EXOC4: variants seen among roughly 807,000 people sequenced by gnomAD.
The protein encoded by EXOC4 is SEC8-like 1.
A neutral mutation model predicts 107.2 loss-of-function variants in EXOC4; 71 were observed. The observed-to-expected ratio is 0.66, with a 90% CI of 0.55 to 0.81. EXOC4 has a LOEUF of 0.81. Ranked by LOEUF, EXOC4 falls within the 30% of genes least tolerant of loss-of-function variation. The probability of loss-of-function intolerance (pLI) is 0.00; values close to 1 mark genes in which losing one functional copy is unlikely to be tolerated. For synonymous variants in EXOC4, 456 were observed against 441.2 expected (o/e 1.03, Z -0.42); for missense variants, 1,108 against 1,189.6 (o/e 0.93, Z 1.01).
intron 10 of EXOC4, among the ~76,000 whole-genome samples, chr7:133,729,751 G>T (rs1795287073): frequency 6.6e-6 from 1 of 151,842 alleles, no homozygotes; most frequent in South Asian, 2.1e-4. Context: ...TTATTTTGAT[G>T]GTAACTTTTT....
chr7:133,760,167 G>A (rs1221432031), intron 10 of EXOC4, among the ~76,000 whole-genome samples: 3 of 152,164 alleles, frequency 2.0e-5, no homozygotes, highest in Non-Finnish European at 4.4e-5. Context: ...TAAGGATATA[G>A]CAAGTTGTAT....
chr7:134,061,693 C>A (rs1563109226), intron 17 of EXOC4, among the ~76,000 whole-genome samples: 1 of 152,046 alleles, frequency 6.6e-6, no homozygotes, highest in African/African-American at 2.4e-5. Context: ...TTAGGAAGTT[C>A]CATTAATAGA....
chr7:133,483,536 T>C (rs1345788526), intron 9 of EXOC4, among the ~76,000 whole-genome samples: 3 of 152,224 alleles, frequency 2.0e-5, no homozygotes, highest in Non-Finnish European at 4.4e-5. Context: ...AATTGAAATA[T>C]GGGCTTTCAA....
intron 10 of EXOC4, among the ~76,000 whole-genome samples, chr7:133,791,152 GAACT>G (rs1796695284): frequency 6.6e-6 from 1 of 152,142 alleles, no homozygotes; most frequent in Non-Finnish European, 1.5e-5. Flanking sequence ...TCACATTTTA[GAACT>G]AACAGGAAGC....
At chr7:133,920,951 A>G (rs1310394181) in intron 13 of EXOC4, among the ~76,000 whole-genome samples, 1 of 152,206 alleles carries the variant, frequency 6.6e-6, no homozygotes, top group Non-Finnish European at 1.5e-5. Context: ...TGTATTAGTC[A>G]AGGTTTTGCA....
the EXOC4 span, among the ~76,000 whole-genome samples, chr7:134,082,191 T>G: frequency 6.8e-6 from 1 of 148,052 alleles, no homozygotes; most frequent in Non-Finnish European, 1.5e-5. Flanking sequence ...ATTTTTTTTT[T>G]GGTTATTTCT....
At chr7:133,312,880 C>T (rs934092064) in intron 4 of EXOC4, among the ~76,000 whole-genome samples, 9 of 151,448 alleles carry the variant, frequency 5.9e-5, no homozygotes, top group East Asian at 1.9e-4. Flanking sequence ...CCTTTATAAT[C>T]GGATAAAATT....
intron 5 of EXOC4, among the ~76,000 whole-genome samples, chr7:133,349,099 TAATTAA>T (rs2150642258): frequency 6.8e-6 from 1 of 146,576 alleles, no homozygotes; most frequent in African/African-American, 2.5e-5. Flanking sequence ...ATCATGTATG[TAATTAA>T]AATGGTTTTG....
At chr7:133,869,891 G>A (rs1585211739) in intron 11 of EXOC4, among the ~76,000 whole-genome samples, 1 of 152,188 alleles carries the variant, frequency 6.6e-6, no homozygotes, top group East Asian at 1.9e-4. Context: ...TCCACAGCTT[G>A]CCACTTGGGA....
chr7:133,719,286 C>CCATT (rs1350783522), intron 10 of EXOC4, among the ~76,000 whole-genome samples: 1 of 152,122 alleles, frequency 6.6e-6, no homozygotes, highest in East Asian at 1.9e-4. Context: ...AACTGTAAGT[C>CCATT]CATTAAGCCT....
In EXOC4 at chr7:133,749,955, GTTTTTTTTTTTTTTTTT is replaced by G. The variant is rs56902982; in HGVS notation, c.1515-67356_1515-67340del. Among the ~76,000 whole-genome samples, 6 of 62,102 alleles carry G rather than the reference GTTTTTTTTTTTTTTTTT, an allele frequency of 9.7e-5. No homozygotes were observed. In the East Asian group the frequency reaches 1.6e-3, roughly 17 times the overall value. The allele number at this position is 62,102 out of a possible 152,430, so 40.7% of individuals were successfully genotyped here. On this transcript the variant is annotated intron_variant, in intron 10 of 17. Transcript: ENST00000253861. ...TTGGGCTTCCTAAAGGTGGTTGGCA[GTTTTTTTTTTTTTTTTT>G]TTTTTTTTTTTTTAACCAGTGGATT...
chr7:133,877,343 G>C (rs903148090), intron 11 of EXOC4, among the ~76,000 whole-genome samples: 4 of 152,098 alleles, frequency 2.6e-5, no homozygotes, highest in African/African-American at 9.7e-5. Context: ...TTGGATGCTA[G>C]ACATGCGAGG....
chr7:134,082,481 G>A, the EXOC4 span, among the ~76,000 whole-genome samples: 1 of 151,912 alleles, frequency 6.6e-6, no homozygotes, highest in East Asian at 1.9e-4. Flanking sequence ...TTGCTCTGTC[G>A]CCAGGCTGGA....
At chr7:133,345,245 G>A (rs1795757807) in intron 5 of EXOC4, among the ~76,000 whole-genome samples, 1 of 152,052 alleles carries the variant, frequency 6.6e-6, no homozygotes, top group Non-Finnish European at 1.5e-5. Flanking sequence ...AGAAATCAAG[G>A]TCCAGCAAGA....
chr7:134,019,797 A>G (rs532552124), intron 17 of EXOC4, among the ~76,000 whole-genome samples: 123 of 152,282 alleles, frequency 8.1e-4, no homozygotes, highest in Non-Finnish European at 1.2e-3. Context: ...CTTAGCTATC[A>G]AACATTTCTT....
At chr7:133,543,700 G>A (rs962595625) in intron 9 of EXOC4, among the ~76,000 whole-genome samples, 4 of 141,598 alleles carry the variant, frequency 2.8e-5, no homozygotes, top group African/African-American at 7.6e-5. Context: ...ATTATAAAAC[G>A]AACCTGCTGC....
chr7:133,950,770 C>T (rs1475416926), intron 14 of EXOC4, among the ~76,000 whole-genome samples: 1 of 152,196 alleles, frequency 6.6e-6, no homozygotes, highest in Non-Finnish European at 1.5e-5. Flanking sequence ...ATAATAAGGG[C>T]TGCCCTTTAG....
chr7:133,765,453 A>G (rs1460796036), intron 10 of EXOC4, among the ~76,000 whole-genome samples: 2 of 152,036 alleles, frequency 1.3e-5, no homozygotes, highest in African/African-American at 4.8e-5. Context: ...TAAGGATGGT[A>G]GGCTTGGGAA....
At chr7:134,000,079 A>AT (rs1278691365) in intron 15 of EXOC4, among the ~76,000 whole-genome samples, 13 of 152,112 alleles carry the variant, frequency 8.5e-5, no homozygotes, top group African/African-American at 3.1e-4. Context: ...GAAGCATGGG[A>AT]TTTTTTTAAA....
Sources: gnomAD v4.1 joint callset for allele counts (sites outside exome capture counted in the v4.1 genomes callset) on GRCh38, gnomAD v4.1.1 for gene constraint, MANE v1.5 for transcripts, NCBI Gene and HGNC (gene_info 2026-07-23, HGNC 2026-07-21) for gene names.